RGS7: variants seen among roughly 807,000 people sequenced by gnomAD.
The protein encoded by RGS7 is regulator of G protein signaling 7.
A neutral mutation model predicts 81.1 loss-of-function variants in RGS7; 27 were observed. The ratio of observed to expected loss-of-function variants is 0.33; its 90% CI spans 0.25 to 0.46. RGS7 has a LOEUF of 0.46. Among genes scored for constraint, RGS7 ranks in the 20% least tolerant of loss-of-function variants. The pLI is 1.00. For missense variants in RGS7, 396 were observed against 607.4 expected (o/e 0.65, Z 3.66); for synonymous variants, 208 against 207.7 (o/e 1.00, Z -0.01).
At chr1:240,901,392 G>A (rs1423787050) in intron 6 of RGS7, among the ~76,000 whole-genome samples, 1 of 152,198 alleles carries the variant, frequency 6.6e-6, no homozygotes, top group East Asian at 1.9e-4. Context: ...GCTGTAGACT[G>A]GAGCTGTTCC....
At chr1:241,254,198 CAAAAAA>C (rs57205542) in intron 2 of RGS7, among the ~76,000 whole-genome samples, 2 of 64,364 alleles carry the variant, frequency 3.1e-5, no homozygotes, top group African/African-American at 1.3e-4. Context: ...GACTCCATCT[CAAAAAA>C]AAAAAAAAAA....
At chr1:241,022,624 C>T (rs1318433007) in intron 3 of RGS7, among the ~76,000 whole-genome samples, 1 of 152,164 alleles carries the variant, frequency 6.6e-6, no homozygotes, top group Non-Finnish European at 1.5e-5. Flanking sequence ...TCATCTTTGA[C>T]CTGTCCAATC....
intron 2 of RGS7, among the ~76,000 whole-genome samples, chr1:241,298,801 G>A (rs947177645): frequency 1.3e-5 from 2 of 152,058 alleles, no homozygotes; most frequent in Admixed American, 6.6e-5. Flanking sequence ...AATCGGCAGT[G>A]GCAATATCAG....
chr1:241,092,028 T>C (rs1391012659), intron 3 of RGS7, among the ~76,000 whole-genome samples: 11 of 152,212 alleles, frequency 7.2e-5, no homozygotes. Context: ...CTATTTATTA[T>C]ATAATGCACC....
chr1:241,147,651 A>G (rs2068406739), intron 2 of RGS7, among the ~76,000 whole-genome samples: 1 of 151,580 alleles, frequency 6.6e-6, no homozygotes. Flanking sequence ...ACATTTCAAC[A>G]TATAATTTCT....
rs184062559 is a variant in RGS7, at chr1:240,918,726, A to G, written c.385+11991T>C. On this transcript the variant is annotated intron_variant, in intron 6 of 18. Coordinates refer to ENST00000440928, the MANE Select transcript of RGS7 (RefSeq NM_001364886.1). ...AATCTAAGCCAAACAGAAGAAAACA[A>G]ATAATAAAAATCAGAGCAGAAATCA... Among the ~76,000 whole-genome samples the G allele has an allele frequency of 4.8e-3, 733 of 152,204 alleles. 3 individuals carry two copies. The highest frequency in any genetic ancestry group is 7.5e-3 in the Non-Finnish European group (508 of 67,992).
intron 2 of RGS7, among the ~76,000 whole-genome samples, chr1:241,129,265 AAAC>A (rs2066909387): frequency 1.1e-5 from 1 of 94,702 alleles, no homozygotes. Context: ...ACAAACAAAC[AAAC>A]AAAAAAAAAA....
At chr1:241,157,526 C>T (rs1490305529) in intron 2 of RGS7, among the ~76,000 whole-genome samples, 1 of 152,084 alleles carries the variant, frequency 6.6e-6, no homozygotes, top group African/African-American at 2.4e-5. Flanking sequence ...AAATGTGTAT[C>T]AAAGGAACAG....
At chr1:241,252,338 C>T (rs775512521) in intron 2 of RGS7, among the ~76,000 whole-genome samples, 1 of 152,152 alleles carries the variant, frequency 6.6e-6, no homozygotes. Context: ...GCCACAGCGC[C>T]GGACCTTGAC....
intron 3 of RGS7, among the ~76,000 whole-genome samples, chr1:241,061,432 C>A (rs1188045776): frequency 1.3e-5 from 2 of 152,128 alleles, no homozygotes; most frequent in African/African-American, 4.8e-5. Context: ...AAGCAATCAC[C>A]AATGGACAAG....
intron 18 of RGS7, among the ~76,000 whole-genome samples, chr1:240,782,917 C>T (rs1163364916): frequency 6.6e-6 from 1 of 152,148 alleles, no homozygotes; most frequent in African/African-American, 2.4e-5. Flanking sequence ...CTAAAGGAAA[C>T]AGATTATAGT....
intron 3 of RGS7, among the ~76,000 whole-genome samples, chr1:241,088,815 T>C (rs573213267): frequency 6.6e-6 from 1 of 151,546 alleles, no homozygotes; most frequent in African/African-American, 2.4e-5. Flanking sequence ...ATCGAGACCA[T>C]CCTGGCTAAC....
At chr1:241,273,270 G>C (rs1473976437) in intron 2 of RGS7, among the ~76,000 whole-genome samples, 1 of 144,670 alleles carries the variant, frequency 6.9e-6, no homozygotes, top group African/African-American at 2.5e-5. Flanking sequence ...GCTTTAGTTA[G>C]ATTCAGTTGA....
At chr1:241,042,826 G>C (rs2060695085) in intron 3 of RGS7, among the ~76,000 whole-genome samples, 1 of 152,008 alleles carries the variant, frequency 6.6e-6, no homozygotes, top group South Asian at 2.1e-4. Flanking sequence ...TGTAATCCCA[G>C]CTACTTGGGA....
intron 2 of RGS7, among the ~76,000 whole-genome samples, chr1:241,274,950 T>C (rs61832565): frequency 1.3e-5 from 2 of 152,166 alleles, no homozygotes; most frequent in East Asian, 3.9e-4. Context: ...GACGGACTGA[T>C]TATTCAAATT....
chr1:241,150,971 G>C (rs1237994453), intron 2 of RGS7, among the ~76,000 whole-genome samples: 2 of 152,184 alleles, frequency 1.3e-5, no homozygotes, highest in Non-Finnish European at 2.9e-5. Context: ...CCAAGGCCAG[G>C]AGAAGAAGGG....
Position 240,856,611 on chromosome 1 carries a change from A to G in RGS7, c.609+11976T>C, listed in dbSNP as rs187431182. Among the ~76,000 whole-genome samples, 973 of 148,086 alleles carry G rather than the reference A, an allele frequency of 6.6e-3. 14 individuals carry two copies. Among genetic ancestry groups the G allele is most frequent in the African/African-American group, 0.025 (922 of 37,552 alleles). On this transcript the variant is annotated intron_variant, in intron 9 of 18. Coordinates refer to ENST00000440928, the MANE Select transcript of RGS7 (RefSeq NM_001364886.1). ...CAGGAATAACGATATTTTATCATAT[A>G]CTTGTTTGTTTAAAGTACACAATTA...
chr1:240,778,273 T>A (rs575836658), intron 18 of RGS7, among the ~76,000 whole-genome samples: 9 of 152,234 alleles, frequency 5.9e-5, no homozygotes, highest in Admixed American at 1.3e-4. Context: ...ACATGTGAAC[T>A]TGAGCGGGAA....
intron 2 of RGS7, among the ~76,000 whole-genome samples, chr1:241,298,771 G>A (rs1006688850): frequency 3.3e-5 from 5 of 152,114 alleles, no homozygotes; most frequent in African/African-American, 1.2e-4. Context: ...ACAAGTCACA[G>A]GCGATCCATG....
Sources: allele counts gnomAD v4.1 joint callset (sites outside exome capture counted in the v4.1 genomes callset), GRCh38; gene constraint gnomAD v4.1.1; transcripts MANE v1.5; gene names NCBI Gene and HGNC (gene_info 2026-07-23, HGNC 2026-07-21).